Variants in PPFIA2 observed in about 807,000 individuals in gnomAD.
The protein encoded by PPFIA2 is liprin-alpha-2.
Under a neutral mutation model 175.5 loss-of-function variants are expected in PPFIA2, and 46 were observed. That is an observed-to-expected ratio of 0.26 (90% CI 0.21 to 0.34). The LOEUF (loss-of-function observed/expected upper bound fraction) is 0.34, where lower values mean the gene tolerates loss of function less well. Among genes scored for constraint, PPFIA2 ranks in the 10% least tolerant of loss-of-function variants. The pLI, the probability that PPFIA2 is intolerant of heterozygous loss-of-function variation, is 1.00. For missense variants in PPFIA2, 1,179 were observed against 1,506.1 expected (o/e 0.78, Z 3.60); for synonymous variants, 568 against 511.4 (o/e 1.11, Z -1.49).
chr12:81,465,986 G>A (rs1457234753), intron 4 of PPFIA2, among the ~76,000 whole-genome samples: 1 of 151,986 alleles, frequency 6.6e-6, no homozygotes, highest in Admixed American at 6.6e-5. Context: ...TTTTATAATT[G>A]CCTTCTGGTC....
chr12:81,705,522 T>C (rs1275506073), intron 3 of PPFIA2, among the ~76,000 whole-genome samples: 7 of 148,460 alleles, frequency 4.7e-5, no homozygotes, highest in Admixed American at 1.3e-4. Flanking sequence ...AGAGTGTCCA[T>C]AGTCCAGTTG....
chr12:81,662,499 A>G (rs1474286580), intron 4 of PPFIA2, among the ~76,000 whole-genome samples: 8 of 152,202 alleles, frequency 5.3e-5, no homozygotes, highest in Non-Finnish European at 8.8e-5. Context: ...AGACTAAACC[A>G]GGAAGAAGTT....
intron 4 of PPFIA2, among the ~76,000 whole-genome samples, chr12:81,561,039 A>G (rs2069952769): frequency 3.3e-5 from 5 of 152,158 alleles, no homozygotes; most frequent in Admixed American, 3.3e-4. Flanking sequence ...ATTTATATAT[A>G]ATCTTAGCTA....
At chr12:81,698,550 A>G (rs1337367899) in intron 3 of PPFIA2, among the ~76,000 whole-genome samples, 1 of 152,160 alleles carries the variant, frequency 6.6e-6, no homozygotes, top group Non-Finnish European at 1.5e-5. Flanking sequence ...AAATGAACTT[A>G]AGAGAAGAAT....
chr12:81,635,390 T>C (rs569588577), intron 4 of PPFIA2, among the ~76,000 whole-genome samples: 1 of 152,312 alleles, frequency 6.6e-6, no homozygotes, highest in African/African-American at 2.4e-5. Context: ...TGTATAAAAA[T>C]ATGTGACAGA....
chr12:81,460,773 C>T (rs1032042838), intron 4 of PPFIA2, among the ~76,000 whole-genome samples: 2 of 152,044 alleles, frequency 1.3e-5, no homozygotes, highest in Admixed American at 6.6e-5. Context: ...TATGTTAGGT[C>T]CTCTGCCAAG....
rs573677222 is a variant in PPFIA2 at position 81,393,405 on chromosome 12, A to C, written c.763-9161T>G. On this transcript the variant is annotated intron_variant, in intron 8 of 32. Transcript: ENST00000549396. ...AAATAAAGAATCAACACTAGAGTGG[A>C]TCTTTCTTCCTGGATGAATTACCAA... Among the ~76,000 whole-genome samples the C allele has an allele frequency of 3.8e-4, 58 of 152,210 alleles. 2 individuals are homozygous for C. Among genetic ancestry groups the C allele is most frequent in the African/African-American group, 1.3e-3 (56 of 41,564 alleles).
intron 4 of PPFIA2, among the ~76,000 whole-genome samples, chr12:81,544,385 T>G (rs937024484): frequency 6.6e-6 from 1 of 152,144 alleles, no homozygotes; most frequent in African/African-American, 2.4e-5. Context: ...AATGGAGTGA[T>G]AGTGTACCTC....
At chr12:81,334,237 A>G (rs2056690708) in intron 21 of PPFIA2, among the ~76,000 whole-genome samples, 1 of 152,224 alleles carries the variant, frequency 6.6e-6, no homozygotes, top group South Asian at 2.1e-4. Context: ...GACAGGACAG[A>G]CAATGTAGCA....
intron 4 of PPFIA2, among the ~76,000 whole-genome samples, chr12:81,529,286 T>A (rs2153276003): frequency 6.6e-6 from 1 of 152,182 alleles, no homozygotes; most frequent in Admixed American, 6.6e-5. Context: ...AAAGTCATCA[T>A]AGATTTCTAT....
intron 4 of PPFIA2, among the ~76,000 whole-genome samples, chr12:81,666,380 G>T (rs2070284936): frequency 1.3e-5 from 2 of 152,172 alleles, no homozygotes; most frequent in African/African-American, 4.8e-5. Context: ...AACAATGATA[G>T]ACTGGATTAA....
intron 24 of PPFIA2, among the ~76,000 whole-genome samples, chr12:81,292,131 C>T (rs1004531323): frequency 6.6e-6 from 1 of 151,946 alleles, no homozygotes; most frequent in African/African-American, 2.4e-5. Flanking sequence ...TATTTTTCAT[C>T]TGGAAGTTGG....
chr12:81,725,012 A>G (rs1344854660), intron 3 of PPFIA2, among the ~76,000 whole-genome samples: 2 of 150,966 alleles, frequency 1.3e-5, no homozygotes, highest in Non-Finnish European at 3.0e-5. Flanking sequence ...ACTTTTAATT[A>G]TAGCCATTCT....
At chr12:81,560,859 A>C (rs1263742971) in intron 4 of PPFIA2, among the ~76,000 whole-genome samples, 2 of 152,208 alleles carry the variant, frequency 1.3e-5, no homozygotes, top group African/African-American at 4.8e-5. Context: ...AATTTAGAGA[A>C]ATAAATCTAT....
At chr12:81,442,854 T>C (rs1361973136) in intron 6 of PPFIA2, among the ~76,000 whole-genome samples, 1 of 57,084 alleles carries the variant, frequency 1.8e-5, no homozygotes, top group Middle Eastern at 6.3e-3. Context: ...ACTTCATATA[T>C]ATATATATAT....
chr12:81,686,434 CAG>C (rs2074429237), intron 3 of PPFIA2, among the ~76,000 whole-genome samples: 1 of 152,072 alleles, frequency 6.6e-6, no homozygotes, highest in Non-Finnish European at 1.5e-5. Context: ...AAGAAAGTGC[CAG>C]AGATTCAGGT....
intron 4 of PPFIA2, among the ~76,000 whole-genome samples, chr12:81,499,690 G>T (rs757744479): frequency 7.2e-5 from 11 of 152,022 alleles, no homozygotes; most frequent in Non-Finnish European, 1.3e-4. Context: ...AATTCTTCAA[G>T]GTTAGCTGGT....
chr12:81,421,005 G>A (rs938176374), intron 7 of PPFIA2, among the ~76,000 whole-genome samples: 2 of 152,050 alleles, frequency 1.3e-5, no homozygotes, highest in Non-Finnish European at 2.9e-5. Flanking sequence ...AAGAGACAGT[G>A]GGATGATATA....
intron 3 of PPFIA2, among the ~76,000 whole-genome samples, chr12:81,725,180 T>A (rs1353847763): frequency 2.0e-5 from 3 of 150,978 alleles, no homozygotes; most frequent in Non-Finnish European, 3.0e-5. Flanking sequence ...AATAATATCA[T>A]AATTTAGAAA....
Sources: allele counts gnomAD v4.1 joint callset (sites outside exome capture counted in the v4.1 genomes callset), GRCh38; gene constraint gnomAD v4.1.1; transcripts MANE v1.5; gene names NCBI Gene and HGNC (gene_info 2026-07-23, HGNC 2026-07-21).